The following ARHGAP25 variants were observed in gnomAD, a reference collection of about 807,000 sequenced individuals.
ARHGAP25 encodes the protein rho GTPase-activating protein 25.
Under a neutral mutation model 71.0 loss-of-function variants are expected in ARHGAP25, and 34 were observed. The observed-to-expected ratio is 0.48, with a 90% CI of 0.36 to 0.64. ARHGAP25 has a LOEUF of 0.64. Among genes scored for constraint, ARHGAP25 ranks in the 30% least tolerant of loss-of-function variants. ARHGAP25 has a pLI of 0.00. For synonymous variants in ARHGAP25, 282 were observed against 296.5 expected, an observed-to-expected ratio of 0.95 and a Z score of 0.50; for missense variants, 706 against 805.1, an observed-to-expected ratio of 0.88 and a Z score of 1.49.
chr2:68,795,456 G>A (rs1015304333), intron 4 of ARHGAP25, among the ~76,000 whole-genome samples: 1 of 151,952 alleles, frequency 6.6e-6, no homozygotes, highest in African/African-American at 2.4e-5. Context: ...ACAAGTTTTG[G>A]TATGTTTTTG....
At chr2:68,722,381 C>T (rs1674781950) in intron 2 of ARHGAP25, among the ~76,000 whole-genome samples, 1 of 151,780 alleles carries the variant, frequency 6.6e-6, no homozygotes, top group African/African-American at 2.4e-5. Flanking sequence ...GGTTCAAGAC[C>T]AGCCTGGCCA....
intron 1 of ARHGAP25, among the ~76,000 whole-genome samples, chr2:68,763,275 A>C (rs1676933710): frequency 6.6e-6 from 1 of 152,222 alleles, no homozygotes; most frequent in Non-Finnish European, 1.5e-5. Flanking sequence ...CAATTATATG[A>C]CACAGTAGAA....
At chr2:68,819,965 T>C (rs1337322409) in intron 9 of ARHGAP25, among the ~76,000 whole-genome samples, 1 of 152,226 alleles carries the variant, frequency 6.6e-6, no homozygotes, top group African/African-American at 2.4e-5. Context: ...CTTTATATAG[T>C]AGCTTGATCT....
intron 2 of ARHGAP25, among the ~76,000 whole-genome samples, chr2:68,712,862 G>A (rs914575112): frequency 8.6e-5 from 13 of 152,030 alleles, no homozygotes; most frequent in African/African-American, 2.2e-4. Flanking sequence ...TGTTCCATTC[G>A]TCTATATATC....
At position 68,810,731 on chromosome 2, in the gene ARHGAP25, C is replaced by CTTTTTTT. The variant is rs539849992; in HGVS notation, c.675-2541_675-2535dup. On this transcript the variant is annotated intron_variant, in intron 5 of 10. Coordinates refer to ENST00000409202, the MANE Select transcript of ARHGAP25 (RefSeq NM_001007231.3). ...GATCCAATTTCTTTTCTTTTCTTCT[C>CTTTTTTT]TTTTTTTTTTTTTTTTTTTTTGAGA... Among the ~76,000 whole-genome samples, 8 of 74,346 alleles carry CTTTTTTT rather than the reference C, an allele frequency of 1.1e-4. 2 individuals carry two copies. The highest frequency in any genetic ancestry group is 3.0e-4 in the Admixed American group (2 of 6,586). The allele number at this position is 74,346 out of a possible 152,430, so 48.8% of individuals were successfully genotyped here. A position where few individuals can be genotyped will look rare whatever the true frequency, so the allele number is the denominator to read the frequency against.
chr2:68,729,070 C>T (rs934494797), intron 2 of ARHGAP25, among the ~76,000 whole-genome samples: 19 of 152,180 alleles, frequency 1.2e-4, no homozygotes, highest in Non-Finnish European at 5.9e-5. Flanking sequence ...ATACACAAAT[C>T]TATAGAGACA....
Position 68,818,006 on chromosome 2 carries a change from C to A in ARHGAP25, c.1003+12C>A. On this transcript the variant is annotated intron_variant, in intron 8 of 10. Transcript: ENST00000409202. The stretch of plus-strand genomic sequence containing the variant: ...CGTGATCATGAGAGGTATGGCTGGT[C>A]CCGTAGTGAAAGCAGGTACCCAGGA... 1 of 1,613,630 alleles carries A rather than the reference C, an allele frequency of 6.2e-7. No homozygotes were observed. The highest frequency in any genetic ancestry group is 1.1e-5 in the South Asian group (1 of 91,012).
chr2:68,743,240 T>A (rs1338516062), intron 1 of ARHGAP25, among the ~76,000 whole-genome samples: 1 of 152,182 alleles, frequency 6.6e-6, no homozygotes, highest in Admixed American at 6.5e-5. Flanking sequence ...TCTCCTACTG[T>A]CATGCGTACC....
intron 1 of ARHGAP25, among the ~76,000 whole-genome samples, chr2:68,773,698 T>G (rs1677640674): frequency 6.6e-6 from 1 of 152,172 alleles, no homozygotes; most frequent in Admixed American, 6.5e-5. Context: ...GCATTAAAGA[T>G]AGGAAAGAAG....
intron 4 of ARHGAP25, among the ~76,000 whole-genome samples, chr2:68,803,710 G>A (rs1558649132): frequency 6.6e-6 from 1 of 151,926 alleles, no homozygotes; most frequent in African/African-American, 2.4e-5. Context: ...CTAGATGAAA[G>A]GTAGGGCCCT....
At chr2:68,816,040 G>C (rs772860876) in intron 6 of ARHGAP25, 1 of 506,748 alleles carries the variant, frequency 2.0e-6, no homozygotes, top group Admixed American at 2.9e-5. Flanking sequence ...TCAAGGGTGG[G>C]GTGCAGTGGC....
intron 7 of ARHGAP25, chr2:68,816,805 C>G (rs1410197939): frequency 6.4e-6 from 1 of 155,240 alleles, no homozygotes; most frequent in Non-Finnish European, 1.4e-5. Flanking sequence ...TCTGGCTCGG[C>G]TGGGAACTGG....
chr2:68,803,820 G>A (rs1680174783), intron 4 of ARHGAP25, among the ~76,000 whole-genome samples: 1 of 152,046 alleles, frequency 6.6e-6, no homozygotes, highest in Admixed American at 6.6e-5. Context: ...ATTTGATAAT[G>A]GAAGGAAAGA....
intron 5 of ARHGAP25, among the ~76,000 whole-genome samples, chr2:68,809,270 G>A (rs193252066): frequency 9.9e-5 from 15 of 152,220 alleles, no homozygotes; most frequent in African/African-American, 3.6e-4. Flanking sequence ...GGTGTTGAGG[G>A]CTGTGCCCCG....
At chr2:68,813,018 A>G (rs1314086636) in intron 5 of ARHGAP25, among the ~76,000 whole-genome samples, 1 of 152,244 alleles carries the variant, frequency 6.6e-6, no homozygotes, top group Non-Finnish European at 1.5e-5. Flanking sequence ...AAAATCATTA[A>G]GGAACGTTTA....
chr2:68,756,281 C>A (rs949948751), intron 1 of ARHGAP25, among the ~76,000 whole-genome samples: 2 of 152,198 alleles, frequency 1.3e-5, no homozygotes, highest in African/African-American at 2.4e-5. Flanking sequence ...AAAAAATGAA[C>A]CCTGTCCTAC....
Position 68,822,461 on chromosome 2 carries a change from C to A in ARHGAP25, c.1322C>A (p.Thr441Asn). ...TGGAAAATGCAATCTCGTAAAAGGA[C>A]TCAAACACTCCCTAACCGGAAATGT... The part of the protein sequence containing the change: ...GDWKMQSRKR[T>N]QTLPNRKCFL... Residue 441 changes from threonine (T) to asparagine (N), a missense_variant, in exon 10 of 11, where the codon ACT (threonine) becomes AAT (asparagine). Thr to Asn is a moderately conservative substitution (Grantham distance 65, BLOSUM62 0). Transcript: ENST00000409202. The A allele has an allele frequency of 6.2e-7, 1 of 1,614,230 alleles. No individual in the cohort carries two copies. The highest frequency in any genetic ancestry group is 1.1e-5 in the South Asian group (1 of 91,086).
At chr2:68,744,056 C>G (rs961848981) in intron 1 of ARHGAP25, among the ~76,000 whole-genome samples, 34 of 151,772 alleles carry the variant, frequency 2.2e-4, no homozygotes, top group African/African-American at 8.0e-4. Flanking sequence ...ATTTTTCAGC[C>G]TCCTTGAAAC....
intron 1 of ARHGAP25, among the ~76,000 whole-genome samples, chr2:68,772,345 C>T (rs887110050): frequency 5.9e-5 from 9 of 152,198 alleles, no homozygotes; most frequent in African/African-American, 1.7e-4. Flanking sequence ...TGAGTTGGCT[C>T]CATTTGATGG....
Sources: allele counts gnomAD v4.1 joint callset (sites outside exome capture counted in the v4.1 genomes callset), GRCh38; gene constraint gnomAD v4.1.1; transcripts MANE v1.5; gene names NCBI Gene and HGNC (gene_info 2026-07-23, HGNC 2026-07-21).